PLEKHG4B: variants seen among roughly 807,000 people sequenced by gnomAD.
The protein encoded by PLEKHG4B is pleckstrin homology and RhoGEF domain containing G4B.
PLEKHG4B carries 111 observed loss-of-function variants against 121.3 expected under a neutral mutation model. That is an observed-to-expected ratio of 0.92 (90% CI 0.78 to 1.07). The LOEUF is 1.07. PLEKHG4B is among the 50% of genes least tolerant of loss of function. The pLI, the probability that PLEKHG4B is intolerant of heterozygous loss-of-function variation, is 0.00. For synonymous variants in PLEKHG4B, 738 were observed against 725.0 expected (o/e 1.02, Z -0.29); for missense variants, 1,831 against 1,757.8 (o/e 1.04, Z -0.74).
At position 162,566 on chromosome 5, in the gene PLEKHG4B, C is replaced by G. The variant is rs112746267; in HGVS notation, c.2650-156C>G. On this transcript the variant is annotated intron_variant, in intron 12 of 19. Coordinates refer to ENST00000637938, the MANE Select transcript of PLEKHG4B (RefSeq NM_052909.5). ...AGCCCACCTGCCCTTCCGCTGAACC[C>G]GGCCACAGCCCCCACTGGGTGGCGG... Among the ~76,000 whole-genome samples the G allele has an allele frequency of 2.3e-3, 357 of 152,384 alleles. 2 individuals carry two copies. The highest frequency in any genetic ancestry group is 7.9e-3 in the African/African-American group (329 of 41,588).
chr5:162,080 T>A (rs939986769), intron 12 of PLEKHG4B, 136 bp downstream of exon 12: 13 of 1,023,598 alleles, frequency 1.3e-5, no homozygotes, highest in Non-Finnish European at 1.7e-5. Flanking sequence ...GGAGCCCCCC[T>A]GGCCACTGCG....
At chr5:166,741 T>C (rs72720464) in intron 13 of PLEKHG4B, among the ~76,000 whole-genome samples, 15,185 of 152,230 alleles carry the variant, frequency 0.1, 929 homozygotes, top group Non-Finnish European at 0.12. Flanking sequence ...AGGGGTTTCC[T>C]CCTCACACCC....
At chr5:177,864 C>A (rs548690018) in intron 18 of PLEKHG4B, among the ~76,000 whole-genome samples, 27 of 152,360 alleles carry the variant, frequency 1.8e-4, no homozygotes, top group African/African-American at 6.5e-4. Flanking sequence ...TTGTACGCAT[C>A]CCCATCTGAG....
intron 11 of PLEKHG4B, among the ~76,000 whole-genome samples, chr5:158,944 G>C (rs1053516093): frequency 1.3e-5 from 2 of 152,244 alleles, no homozygotes; most frequent in Non-Finnish European, 2.9e-5. Context: ...TTTTGAGGCC[G>C]TGGTATCTAA....
At chr5:144,606 ACTGT>A (rs973298298) in intron 5 of PLEKHG4B, among the ~76,000 whole-genome samples, 4 of 152,132 alleles carry the variant, frequency 2.6e-5, no homozygotes, top group Non-Finnish European at 5.9e-5. Flanking sequence ...GCCCAGAGAC[ACTGT>A]CTGACATCAG....
At chr5:180,103 G>A (rs1396358413) in intron 18 of PLEKHG4B, among the ~76,000 whole-genome samples, 1 of 152,064 alleles carries the variant, frequency 6.6e-6, no homozygotes, top group East Asian at 1.9e-4. Context: ...CTTTCTCTGG[G>A]TGTGCCTGAT....
intron 1 of PLEKHG4B, among the ~76,000 whole-genome samples, chr5:107,854 C>T (rs547106767): frequency 2.6e-5 from 4 of 152,238 alleles, no homozygotes; most frequent in Admixed American, 6.5e-5. Flanking sequence ...TGCAGTGATC[C>T]GGGTGGGGCT....
chr5:135,680 AAAATATATATATATATATAT>A lies in PLEKHG4B; in HGVS notation c.244-3801_244-3782del, dbSNP rs1355380216. 1.0e-3 allele frequency among the ~76,000 whole-genome samples: 37 copies of A among 35,284 alleles called. 2 individuals carry two copies. In the South Asian group the frequency reaches 0.014, roughly 13 times the overall value. The allele number at this position is 35,284 out of a possible 152,430, so 23.1% of individuals were successfully genotyped here. A position where few individuals can be genotyped will look rare whatever the true frequency, so the allele number is the denominator to read the frequency against. ...GACTCCATCTCAAAAAAAAAAAAAA[AAAATATATATATATATATAT>A]ATATATATATATATATATATATATA... On this transcript the variant is annotated intron_variant, in intron 2 of 19. Coordinates refer to ENST00000637938, the MANE Select transcript of PLEKHG4B (RefSeq NM_052909.5).
At chr5:173,107 G>A in intron 17 of PLEKHG4B, 40 bp downstream of exon 17, 2 of 1,597,334 alleles carry the variant, frequency 1.3e-6, no homozygotes, top group Non-Finnish European at 1.7e-6. Context: ...GGCCGAGCCA[G>A]GCCCTCCAAG....
At chr5:130,654 T>G (rs1734752069) in intron 2 of PLEKHG4B, among the ~76,000 whole-genome samples, 1 of 152,218 alleles carries the variant, frequency 6.6e-6, no homozygotes, top group African/African-American at 2.4e-5. Flanking sequence ...CTGCAGCACT[T>G]AAACAGTGAA....
intron 7 of PLEKHG4B, among the ~76,000 whole-genome samples, chr5:154,012 A>AT (rs111704367): frequency 0.19 from 26,923 of 141,170 alleles, 3,187 homozygotes; most frequent in African/African-American, 0.35. Flanking sequence ...CGTTTCCTTT[A>AT]TTTTTTTTTT....
intron 2 of PLEKHG4B, among the ~76,000 whole-genome samples, chr5:114,858 C>T (rs1734260637): frequency 6.6e-6 from 1 of 152,208 alleles, no homozygotes; most frequent in Admixed American, 6.5e-5. Flanking sequence ...TTGGTATTTT[C>T]CCCACATCTG....
At chr5:172,805 C>A in intron 16 of PLEKHG4B, 92 bp from the exon 17 acceptor site, 2 of 1,417,042 alleles carry the variant, frequency 1.4e-6, no homozygotes, top group Non-Finnish European at 2.0e-6. Context: ...CGTCTTGTCA[C>A]GAAGCTAACA....
chr5:170,980 C>A, intron 14 of PLEKHG4B, 63 bp from the exon 15 acceptor site: 3 of 1,387,342 alleles, frequency 2.2e-6, no homozygotes, highest in Non-Finnish European at 3.0e-6. Flanking sequence ...ACCCGGGCTG[C>A]GGGAGCCTGC....
At chr5:116,338 G>A (rs966252168) in intron 2 of PLEKHG4B, among the ~76,000 whole-genome samples, 1 of 152,132 alleles carries the variant, frequency 6.6e-6, no homozygotes, top group African/African-American at 2.4e-5. Context: ...AACATCAAAG[G>A]ACTCTGATTA....
At position 182,106 on chromosome 5, in the gene PLEKHG4B, G is replaced by A. The variant is rs1733424304; in HGVS notation, c.4667G>A (p.Ser1556Asn). Residue 1556 changes from serine (S) to asparagine (N), a missense_variant, in exon 20 of 20, where the codon AGC becomes AAC. Transcript: ENST00000637938. Reference protein sequence around the residue: ...TISDSSTSSSSSQSSSILGSL... With the variant: ...TISDSSTSSSNSQSSSILGSL... Reference sequence around the variant, plus strand: ...TCAGACAGCAGCACCTCCTCTTCTAGCAGCCAGTCCTCCTCCATCCTGGGG... The same window carrying A: ...TCAGACAGCAGCACCTCCTCTTCTAACAGCCAGTCCTCCTCCATCCTGGGG... 2 of 1,614,110 alleles carry A rather than the reference G, an allele frequency of 1.2e-6. No individual in the cohort carries two copies. Among genetic ancestry groups the A allele is most frequent in the African/African-American group, 2.7e-5 (2 of 75,058 alleles).
chr5:102,598 T>G (rs1272358799), intron 1 of PLEKHG4B, among the ~76,000 whole-genome samples: 1 of 152,166 alleles, frequency 6.6e-6, no homozygotes, highest in Non-Finnish European at 1.5e-5. Flanking sequence ...GAGTTCCCCT[T>G]TGCCTTCTTC....
intron 1 of PLEKHG4B, among the ~76,000 whole-genome samples, chr5:101,514 A>T (rs1226356860): frequency 9.3e-5 from 12 of 129,436 alleles, no homozygotes; most frequent in Non-Finnish European, 1.7e-4. Context: ...AAAAGCCTGT[A>T]GGGGAGAGAC....
In PLEKHG4B at chr5:161,825, C is replaced by T. The variant is rs1320878463; in HGVS notation, c.2530C>T (p.Gln844Ter). The T allele has an allele frequency of 1.9e-6, 3 of 1,613,782 alleles. No individual in the cohort carries two copies. The highest frequency in any genetic ancestry group is 2.5e-6 in the Non-Finnish European group (3 of 1,180,044). Residue 844 changes from glutamine to a stop codon, truncating the protein, a stop_gained, in exon 12 of 20, where the codon CAA (glutamine) becomes TAA (stop). Coordinates refer to ENST00000637938, the MANE Select transcript of PLEKHG4B (RefSeq NM_052909.5). LOFTEE classifies it high-confidence loss of function. ...KGLQLAKENP[Q>*]RTEEMVQDFR... is the part of the protein sequence containing the mutation. ...ACTACAGCTGGCGAAGGAGAACCCG[C>T]AACGTACAGAGGAAATGGTCCAGGA...
Sources: allele counts gnomAD v4.1 joint callset (sites outside exome capture counted in the v4.1 genomes callset), GRCh38; gene constraint gnomAD v4.1.1; transcripts MANE v1.5; gene names NCBI Gene and HGNC (gene_info 2026-07-23, HGNC 2026-07-21).